Variants in PARD3 observed in about 807,000 individuals in gnomAD.
PARD3 encodes partitioning defective 3 homolog.
PARD3 carries 75 observed loss-of-function variants against 155.4 expected under a neutral mutation model. The ratio of observed to expected loss-of-function variants is 0.48; its 90% CI spans 0.40 to 0.58. PARD3 has a LOEUF of 0.58. Ranked by LOEUF, PARD3 falls within the 20% of genes least tolerant of loss-of-function variation. PARD3 has a pLI of 0.00. For synonymous variants in PARD3, 576 were observed against 610.5 expected, an observed-to-expected ratio of 0.94 and a Z score of 0.83; for missense variants, 1,642 against 1,721.7, an observed-to-expected ratio of 0.95 and a Z score of 0.82.
intron 2 of PARD3, among the ~76,000 whole-genome samples, chr10:34,559,344 G>C (rs530537228): frequency 1.5e-4 from 23 of 151,546 alleles, no homozygotes; most frequent in African/African-American, 5.6e-4. Context: ...CTTCTTATTT[G>C]TAACTGTTAA....
At chr10:34,629,314 G>A (rs1371882727) in intron 2 of PARD3, among the ~76,000 whole-genome samples, 1 of 152,212 alleles carries the variant, frequency 6.6e-6, no homozygotes, top group Admixed American at 6.5e-5. Context: ...AGGAGGCAAA[G>A]GTTATACTAA....
intron 20 of PARD3, among the ~76,000 whole-genome samples, chr10:34,298,340 A>G (rs1047993356): frequency 1.3e-5 from 2 of 152,188 alleles, no homozygotes; most frequent in Admixed American, 6.5e-5. Flanking sequence ...GCCTTATTAC[A>G]ACCGCTAGCG....
chr10:34,508,274 A>C (rs780456844), intron 3 of PARD3, among the ~76,000 whole-genome samples: 10 of 152,248 alleles, frequency 6.6e-5, no homozygotes, highest in Non-Finnish European at 1.2e-4. Flanking sequence ...AAAAGTTAAA[A>C]ATAACAAAAG....
chr10:34,221,639 T>C (rs1436857545), intron 22 of PARD3, among the ~76,000 whole-genome samples: 1 of 152,224 alleles, frequency 6.6e-6, no homozygotes, highest in Non-Finnish European at 1.5e-5. Context: ...CGTTCCTTTC[T>C]TAACAAGTGT....
intron 2 of PARD3, among the ~76,000 whole-genome samples, chr10:34,582,712 C>A (rs564526453): frequency 6.6e-6 from 1 of 152,340 alleles, no homozygotes; most frequent in East Asian, 1.9e-4. Context: ...ACACCAACAT[C>A]CACTGTTCTA....
chr10:34,118,643 G>T (rs1946817224), intron 24 of PARD3, among the ~76,000 whole-genome samples: 1 of 152,138 alleles, frequency 6.6e-6, no homozygotes, highest in South Asian at 2.1e-4. Flanking sequence ...ACCGTGCCTG[G>T]CCAGGACTCA....
At chr10:34,710,008 G>T (rs531007145) in intron 1 of PARD3, among the ~76,000 whole-genome samples, 1 of 152,126 alleles carries the variant, frequency 6.6e-6, no homozygotes, top group Non-Finnish European at 1.5e-5. Context: ...GAGGCGGGGG[G>T]ACAGGGAGCT....
intron 12 of PARD3, among the ~76,000 whole-genome samples, chr10:34,371,526 A>C (rs1289906186): frequency 1.5e-5 from 1 of 66,884 alleles, no homozygotes; most frequent in East Asian, 3.1e-4. Context: ...AAAAAAAAAA[A>C]AAAAAACAAC....
intron 22 of PARD3, among the ~76,000 whole-genome samples, chr10:34,237,317 A>G (rs892141701): frequency 6.6e-6 from 1 of 152,222 alleles, no homozygotes; most frequent in African/African-American, 2.4e-5. Context: ...CTTTGAAGCT[A>G]GAGCACATGG....
chr10:34,433,084 A>T (rs1472480248), intron 5 of PARD3, among the ~76,000 whole-genome samples: 1 of 152,224 alleles, frequency 6.6e-6, no homozygotes, highest in African/African-American at 2.4e-5. Flanking sequence ...GTTTACTTTC[A>T]ATAAAAAATT....
At chr10:34,586,483 C>T (rs1291141200) in intron 2 of PARD3, among the ~76,000 whole-genome samples, 1 of 152,102 alleles carries the variant, frequency 6.6e-6, no homozygotes, top group Admixed American at 6.6e-5. Context: ...ACATCAGTGT[C>T]TGTGTTTTTA....
At chr10:34,119,363 C>T (rs1295203134) in intron 24 of PARD3, among the ~76,000 whole-genome samples, 1 of 152,202 alleles carries the variant, frequency 6.6e-6, no homozygotes, top group African/African-American at 2.4e-5. Flanking sequence ...GTACACGAGT[C>T]GCTTCACTTT....
At chr10:34,413,270 T>C (rs1244809938) in intron 5 of PARD3, among the ~76,000 whole-genome samples, 1 of 152,096 alleles carries the variant, frequency 6.6e-6, no homozygotes, top group Non-Finnish European at 1.5e-5. Flanking sequence ...ATAACACCTA[T>C]GCATTAATAC....
chr10:34,145,175 TTG>T (rs756883064), intron 22 of PARD3, among the ~76,000 whole-genome samples: 5,218 of 114,496 alleles, frequency 0.046, 197 homozygotes, highest in Non-Finnish European at 0.063. Context: ...CAACTCTTCA[TTG>T]TGTGTGTGTG....
chr10:34,740,366 T>C (rs1429033659), intron 1 of PARD3, among the ~76,000 whole-genome samples: 1 of 152,210 alleles, frequency 6.6e-6, no homozygotes, highest in South Asian at 2.1e-4. Context: ...AATGGATCAG[T>C]GCATCTGGTC....
At chr10:34,198,048 G>T (rs1951031993) in intron 22 of PARD3, among the ~76,000 whole-genome samples, 1 of 152,214 alleles carries the variant, frequency 6.6e-6, no homozygotes, top group African/African-American at 2.4e-5. Context: ...TATTTAATAA[G>T]AAGCTAAAAG....
chr10:34,178,078 A>G (rs1183440853), intron 22 of PARD3, among the ~76,000 whole-genome samples: 2 of 152,240 alleles, frequency 1.3e-5, no homozygotes, highest in Non-Finnish European at 2.9e-5. Flanking sequence ...TATACAGGAA[A>G]GGTTTATGTT....
At chr10:34,151,293 TAAGG>T (rs1484899911) in intron 22 of PARD3, among the ~76,000 whole-genome samples, 1 of 152,052 alleles carries the variant, frequency 6.6e-6, no homozygotes, top group Non-Finnish European at 1.5e-5. Flanking sequence ...TTAATGACAG[TAAGG>T]AGCCAAAGGA....
chr10:34,272,167 G>T (rs770582669), intron 21 of PARD3, among the ~76,000 whole-genome samples: 1 of 152,142 alleles, frequency 6.6e-6, no homozygotes, highest in African/African-American at 2.4e-5. Context: ...AACTCAAAAT[G>T]GGTCACAGGT....
Sources: gnomAD v4.1 joint callset for allele counts (sites outside exome capture counted in the v4.1 genomes callset) on GRCh38, gnomAD v4.1.1 for gene constraint, MANE v1.5 for transcripts, NCBI Gene and HGNC (gene_info 2026-07-23, HGNC 2026-07-21) for gene names.